The following TMEM59 variants were observed in gnomAD, a reference collection of about 807,000 sequenced individuals.
TMEM59 encodes transmembrane protein 59.
A neutral mutation model predicts 42.2 loss-of-function variants in TMEM59; 44 were observed. The observed-to-expected ratio is 1.04, with a 90% CI of 0.82 to 1.34. The LOEUF is 1.34. TMEM59 is among the 40% of genes most tolerant of loss of function. The pLI is 0.00. For missense variants in TMEM59, 359 were observed against 382.8 expected (o/e 0.94, Z 0.52); for synonymous variants, 148 against 145.8 (o/e 1.02, Z -0.11).
intron 7 of TMEM59, chr1:54,033,529 G>A (rs1656837706): frequency 6.7e-6 from 1 of 149,682 alleles, no homozygotes; most frequent in Non-Finnish European, 1.5e-5. Flanking sequence ...TTGAGCCCGG[G>A]AGGCAGAGAT....
chr1:54,051,750 A>G (rs2100339698), intron 1 of TMEM59, among the ~76,000 whole-genome samples: 1 of 152,352 alleles, frequency 6.6e-6, no homozygotes. Context: ...TAGAAGCAGT[A>G]TTCATTGATT....
rs112222668 is a variant in TMEM59, at chr1:54,049,700, C to T, written c.190-2328G>A. 2.4e-3 allele frequency among the ~76,000 whole-genome samples: 361 copies of T among 152,186 alleles called. 2 individuals are homozygous for T. The highest frequency in any genetic ancestry group is 8.3e-3 in the African/African-American group (343 of 41,518). ...GGTCCCTCAATGGTACTATTTAGGC[C>T]AGGCACCGTGGCTCATGCATGTAAT... is the stretch of plus-strand genomic sequence containing the variant. On this transcript the variant is annotated intron_variant, in intron 1 of 7. Transcript: ENST00000234831.
At chr1:54,036,847 T>TA in intron 6 of TMEM59, 129 bp from the exon 7 acceptor site, 1 of 519,586 alleles carries the variant, frequency 1.9e-6, no homozygotes, top group Non-Finnish European at 3.3e-6. Flanking sequence ...TTGAAACTAT[T>TA]AAAAAACATA....
At chr1:54,052,808 GGACAAACTTCCGGTAAT>G (rs1358015599) in intron 1 of TMEM59, among the ~76,000 whole-genome samples, 175 bp downstream of exon 1, 1 of 152,206 alleles carries the variant, frequency 6.6e-6, no homozygotes, top group African/African-American at 2.4e-5. Context: ...GGGTAGTGCA[GGACAAACTTCCGGTAAT>G]GACAGCAGAA....
At chr1:54,047,529 T>G (rs963509098) in intron 1 of TMEM59, 157 bp from the exon 2 acceptor site, 3 of 619,504 alleles carry the variant, frequency 4.8e-6, no homozygotes, top group Non-Finnish European at 8.4e-6. Flanking sequence ...CAGTTGATAC[T>G]CAAGACCTTT....
At chr1:54,050,302 T>C (rs1488511187) in intron 1 of TMEM59, among the ~76,000 whole-genome samples, 1 of 151,768 alleles carries the variant, frequency 6.6e-6, no homozygotes, top group Non-Finnish European at 1.5e-5. Context: ...TTTGTATTTT[T>C]AGTAGAGATG....
upstream of TMEM59, chr1:54,053,435 G>C (rs759874364): frequency 7.6e-6 from 4 of 528,396 alleles, no homozygotes; most frequent in Non-Finnish European, 1.0e-5. Flanking sequence ...GCGAAGCGGG[G>C]CCTCCTGACT....
In TMEM59 at chr1:54,043,394, G is replaced by A. The variant is rs529453574; in HGVS notation, c.522C>T (p.Asp174=). The change falls in exon 4 of 8, where the codon GAC becomes GAT. Residue 174 remains aspartate, a synonymous_variant. Transcript: ENST00000234831. ...TCACCTGGAATATAACTATTTTTCCGTCATCGGCTTGAAGATAAAAAGTCC... is the reference window on the plus strand; with the variant it reads ...TCACCTGGAATATAACTATTTTTCCATCATCGGCTTGAAGATAAAAAGTCC... ...SSWTFYLQAD[D]GKIVIFQSKP... is the part of the protein sequence containing the mutation. The A allele has an allele frequency of 5.5e-4, 854 of 1,551,438 alleles. 11 individuals are homozygous for A. In the South Asian group the frequency reaches 8.2e-3, roughly 15 times the overall value.
intron 5 of TMEM59, 42 bp from the exon 6 acceptor site, chr1:54,040,879 C>CA: frequency 2.0e-6 from 3 of 1,516,952 alleles, no homozygotes; most frequent in Non-Finnish European, 2.7e-6. Context: ...TCCTATATTC[C>CA]AAAAGCTAGT....
At chr1:54,052,403 C>A (rs948840971) in intron 1 of TMEM59, among the ~76,000 whole-genome samples, 2 of 152,172 alleles carry the variant, frequency 1.3e-5, no homozygotes, top group African/African-American at 4.8e-5. Context: ...CTAATTGCCT[C>A]TTCTCTAACC....
chr1:54,050,442 C>G (rs985436472), intron 1 of TMEM59, among the ~76,000 whole-genome samples: 1 of 150,854 alleles, frequency 6.6e-6, no homozygotes, highest in Non-Finnish European at 1.5e-5. Flanking sequence ...ATTTCTATCT[C>G]GTTTTTCAAA....
Position 54,043,486 on chromosome 1 carries a change from G to C in TMEM59, c.430C>G (p.Leu144Val), listed in dbSNP as rs779251361. The C allele has an allele frequency of 2.6e-6, 4 of 1,550,088 alleles. No homozygotes were observed. Among genetic ancestry groups the C allele is most frequent in the Non-Finnish European group, 3.5e-6 (4 of 1,146,790 alleles). Reference protein sequence around the residue: ...LMPKMHLLFPLTLVRSFWSDM... With the variant: ...LMPKMHLLFPVTLVRSFWSDM... Reference sequence around the variant, plus strand: ...CTCCAGAATGACCTCACCAGAGTTAGAGGAAAGAGTAGGTGCATTTTTGGC... The same window carrying C: ...CTCCAGAATGACCTCACCAGAGTTACAGGAAAGAGTAGGTGCATTTTTGGC... Residue 144 changes from leucine (L) to valine (V), a missense_variant, in exon 4 of 8, where the codon CTA becomes GTA. Coordinates refer to ENST00000234831, the MANE Select transcript of TMEM59 (RefSeq NM_004872.5).
chr1:54,038,745 T>C (rs1368134712), intron 6 of TMEM59, among the ~76,000 whole-genome samples: 2 of 152,126 alleles, frequency 1.3e-5, no homozygotes, highest in Non-Finnish European at 2.9e-5. Flanking sequence ...ACCTTGCGAG[T>C]AGTCAATTCA....
chr1:54,036,709 C>T lies in TMEM59; in HGVS notation c.717G>A (p.Gly239=), dbSNP rs778314925. The T allele has an allele frequency of 2.5e-6, 4 of 1,578,470 alleles. No individual in the cohort carries two copies. The South Asian group carries it at 3.6e-5, about 14-fold the overall frequency. ...GFLRCLSLNS[G]WILTTTLVLS... ...GGACAAGAGTTGTAGTTAAAATCCACCCAGAGTTACTGGAAAAAAAAAATC... is the reference window on the plus strand; with the variant it reads ...GGACAAGAGTTGTAGTTAAAATCCATCCAGAGTTACTGGAAAAAAAAAATC... Residue 239 remains glycine, a synonymous_variant, in exon 7 of 8, where the codon GGG becomes GGA. Coordinates refer to ENST00000234831, the MANE Select transcript of TMEM59 (RefSeq NM_004872.5).
chr1:54,049,721 G>C (rs1657464786), intron 1 of TMEM59, among the ~76,000 whole-genome samples: 1 of 152,150 alleles, frequency 6.6e-6, no homozygotes, highest in Admixed American at 6.5e-5. Context: ...GCTCATGCAT[G>C]TAATCCCGAC....
chr1:54,040,519 G>A (rs1295276898), intron 6 of TMEM59, among the ~76,000 whole-genome samples: 1 of 152,104 alleles, frequency 6.6e-6, no homozygotes, highest in Non-Finnish European at 1.5e-5. Flanking sequence ...TAAATCAAGA[G>A]ATTCTAACAA....
rs1657208915 is a variant in TMEM59 at position 54,043,378 on chromosome 1, A to C, written c.538T>G (p.Phe180Val). Residue 180 changes from phenylalanine to valine, a missense_variant, in exon 4 of 8, where the codon TTC becomes GTC. Coordinates refer to ENST00000234831, the MANE Select transcript of TMEM59 (RefSeq NM_004872.5). ...CCATGAAGCTCAGTTGTCACCTGGA[A>C]TATAACTATTTTTCCGTCATCGGCT... is the stretch of plus-strand genomic sequence containing the variant. ...LQADDGKIVIFQSKPEIQYAP... is the reference protein window; with the variant it reads ...LQADDGKIVIVQSKPEIQYAP... The C allele has an allele frequency of 6.5e-7, 1 of 1,546,082 alleles. No homozygotes were observed. The highest frequency in any genetic ancestry group is 8.7e-7 in the Non-Finnish European group (1 of 1,149,376).
intron 3 of TMEM59, 84 bp downstream of exon 3, chr1:54,045,608 G>T (rs753559044): frequency 6.1e-6 from 8 of 1,301,732 alleles, no homozygotes; most frequent in South Asian, 1.3e-5. Flanking sequence ...ACTAAAATAG[G>T]ATCAAGTGGG....
intron 5 of TMEM59, 44 bp from the exon 6 acceptor site, chr1:54,040,881 A>G: frequency 6.6e-7 from 1 of 1,509,626 alleles, no homozygotes; most frequent in Non-Finnish European, 9.2e-7. Context: ...CTATATTCCA[A>G]AAGCTAGTCT....
Sources: allele counts gnomAD v4.1 joint callset (sites outside exome capture counted in the v4.1 genomes callset), GRCh38; gene constraint gnomAD v4.1.1; transcripts MANE v1.5; gene names NCBI Gene and HGNC (gene_info 2026-07-23, HGNC 2026-07-21).